The following UGT1A8 variants were observed in gnomAD, a reference collection of about 807,000 sequenced individuals.
UGT1A8 encodes UDP glucuronosyltransferase family 1 member A8.
A neutral mutation model predicts 45.3 loss-of-function variants in UGT1A8; 39 were observed. The observed-to-expected ratio is 0.86, with a 90% CI of 0.67 to 1.12. UGT1A8 has a LOEUF of 1.12. UGT1A8 is among the 50% of genes most tolerant of loss of function. The pLI, the probability that UGT1A8 is intolerant of heterozygous loss-of-function variation, is 0.00. For synonymous variants in UGT1A8, 275 were observed against 249.2 expected, an observed-to-expected ratio of 1.10 and a Z score of -0.97; for missense variants, 719 against 664.9, an observed-to-expected ratio of 1.08 and a Z score of -0.90.
At chr2:233,724,187 G>T (rs1459882110) in intron 1 of UGT1A8, among the ~76,000 whole-genome samples, 6 of 123,410 alleles carry the variant, frequency 4.9e-5, no homozygotes, top group African/African-American at 1.1e-4. Flanking sequence ...CCTCCCGGAC[G>T]GGGTGGCTGG....
chr2:233,767,027 G>A lies in UGT1A8; in HGVS notation c.856-7G>A, dbSNP rs753107729. The A allele has an allele frequency of 3.1e-6, 5 of 1,613,804 alleles. No individual in the cohort carries two copies. Among genetic ancestry groups the A allele is most frequent in the Non-Finnish European group, 4.2e-6 (5 of 1,179,992 alleles). On this transcript the variant is annotated splice_region_variant and splice_polypyrimidine_tract_variant and intron_variant, in intron 1 of 4. Coordinates refer to ENST00000373450, the MANE Select transcript of UGT1A8 (RefSeq NM_019076.5). ...AAATTAACTGAAAATTTTTCTTCTG[G>A]CTCTAGGAATTTGAAGCCTACATTA...
At position 233,772,301 on chromosome 2, in the gene UGT1A8, G is replaced by A. The variant is rs1384880194; in HGVS notation, c.1335G>A (p.Lys445=). ...TCATGCGCCTCTCCAGCCTTCACAA[G>A]GACCGCCCGGTGGAGCCGCTGGACC... ...ENIMRLSSLH[K]DRPVEPLDLA... The change falls in exon 5 of 5, where the codon AAG becomes AAA. Residue 445 remains lysine (K), a synonymous_variant. Transcript: ENST00000373450. The A allele has an allele frequency of 3.7e-6, 6 of 1,614,106 alleles. No individual in the cohort carries two copies. The highest frequency in any genetic ancestry group is 5.1e-6 in the Non-Finnish European group (6 of 1,180,054).
chr2:233,679,374 G>T (rs2074450843), intron 1 of UGT1A8, among the ~76,000 whole-genome samples: 1 of 152,222 alleles, frequency 6.6e-6, no homozygotes, highest in Admixed American at 6.5e-5. Context: ...CTGTCAGTGA[G>T]TGTTGATCTT....
intron 1 of UGT1A8, among the ~76,000 whole-genome samples, chr2:233,630,977 C>T (rs2073176570): frequency 6.6e-6 from 1 of 151,896 alleles, no homozygotes; most frequent in African/African-American, 2.4e-5. Context: ...TAATGCTTTC[C>T]CTCCCCTAGG....
At chr2:233,729,310 A>G (rs771983234) in intron 1 of UGT1A8, 1 of 1,614,266 alleles carries the variant, frequency 6.2e-7, no homozygotes, top group Non-Finnish European at 8.5e-7. Flanking sequence ...AGTGGTCCTC[A>G]CCCCAGAGGT....
intron 1 of UGT1A8, among the ~76,000 whole-genome samples, chr2:233,740,474 C>T (rs1003783592): frequency 2.0e-5 from 3 of 151,920 alleles, no homozygotes; most frequent in African/African-American, 7.3e-5. Context: ...CAGAAAGGAT[C>T]ATTCCCTCTT....
At chr2:233,670,981 T>C (rs2074173274) in intron 1 of UGT1A8, among the ~76,000 whole-genome samples, 1 of 152,128 alleles carries the variant, frequency 6.6e-6, no homozygotes, top group South Asian at 2.1e-4. Context: ...CTAGCAGGCT[T>C]ATGGATGGGG....
At chr2:233,704,861 C>T (rs1011021792) in intron 1 of UGT1A8, among the ~76,000 whole-genome samples, 8 of 152,100 alleles carry the variant, frequency 5.3e-5, no homozygotes, top group East Asian at 1.9e-4. Flanking sequence ...GGGCCGGGCA[C>T]GGTGGCTCAC....
At chr2:233,738,082 A>T (rs1218405907) in intron 1 of UGT1A8, among the ~76,000 whole-genome samples, 1 of 152,110 alleles carries the variant, frequency 6.6e-6, no homozygotes, top group South Asian at 2.1e-4. Context: ...TCCTAATCTC[A>T]TCATAGTGAG....
In UGT1A8 at chr2:233,734,566, T is replaced by C. The variant is rs182305779; in HGVS notation, c.856-32468T>C. Among the ~76,000 whole-genome samples, 74 of 152,314 alleles carry C rather than the reference T, an allele frequency of 4.9e-4. No individual in the cohort carries two copies. The East Asian group carries it at 0.013, about 27-fold the overall frequency. ...CTTCCCTTCTGCTAGCTTTTGAATT[T>C]GTTTGCTCTTGCTTATCTAGTTCTT... On this transcript the variant is annotated intron_variant, in intron 1 of 4. Coordinates refer to ENST00000373450, the MANE Select transcript of UGT1A8 (RefSeq NM_019076.5).
intron 1 of UGT1A8, among the ~76,000 whole-genome samples, chr2:233,742,513 G>C (rs934347498): frequency 6.6e-6 from 1 of 151,822 alleles, no homozygotes; most frequent in Non-Finnish European, 1.5e-5. Context: ...TCATGAACAC[G>C]TCACAGTGCT....
At chr2:233,644,148 T>C (rs1167040340) in intron 1 of UGT1A8, among the ~76,000 whole-genome samples, 1 of 152,214 alleles carries the variant, frequency 6.6e-6, no homozygotes, top group African/African-American at 2.4e-5. Context: ...GCAATCTTTA[T>C]GGACTAGACT....
At chr2:233,695,891 A>G (rs1183096724) in intron 1 of UGT1A8, among the ~76,000 whole-genome samples, 1 of 152,212 alleles carries the variant, frequency 6.6e-6, no homozygotes, top group African/African-American at 2.4e-5. Context: ...TTCAGTGAAC[A>G]AATGTGTGGG....
At chr2:233,736,679 G>C (rs2078792170) in intron 1 of UGT1A8, among the ~76,000 whole-genome samples, 1 of 152,134 alleles carries the variant, frequency 6.6e-6, no homozygotes, top group African/African-American at 2.4e-5. Flanking sequence ...CTTTGATGTT[G>C]GTGACCTACA....
At chr2:233,626,394 T>C (rs1559313562) in intron 1 of UGT1A8, among the ~76,000 whole-genome samples, 3 of 152,062 alleles carry the variant, frequency 2.0e-5, no homozygotes, top group Non-Finnish European at 4.4e-5. Flanking sequence ...GGTCATCTAT[T>C]AATTCCTCGA....
At chr2:233,685,640 A>T (rs2074747798) in intron 1 of UGT1A8, among the ~76,000 whole-genome samples, 1 of 152,250 alleles carries the variant, frequency 6.6e-6, no homozygotes, top group Non-Finnish European at 1.5e-5. Context: ...GTTTTCGAAC[A>T]TATACCAAGG....
intron 1 of UGT1A8, chr2:233,682,730 G>A (rs745901168): frequency 9.3e-6 from 15 of 1,613,704 alleles, no homozygotes; most frequent in Admixed American, 1.7e-5. Flanking sequence ...TCCCAAACCC[G>A]TGATGCCCAA....
At chr2:233,724,542 G>A (rs1366832768) in intron 1 of UGT1A8, among the ~76,000 whole-genome samples, 3 of 123,126 alleles carry the variant, frequency 2.4e-5, no homozygotes, top group East Asian at 2.5e-4. Context: ...GGGCAGAGGC[G>A]CTCCTCACAT....
Position 233,766,572 on chromosome 2 carries a change from G to A in UGT1A8, c.856-462G>A, listed in dbSNP as rs1699186765. On this transcript the variant is annotated intron_variant, in intron 1 of 4. Coordinates refer to ENST00000373450, the MANE Select transcript of UGT1A8 (RefSeq NM_019076.5). ...TCCTCACCTAGGTCCATGGGCACAG[G>A]TCTGGGGGTGGAGCCCTCGCCAGGG... Among the ~76,000 whole-genome samples, 3 of 152,322 alleles carry A rather than the reference G, an allele frequency of 2.0e-5. No individual in the cohort carries two copies. In the South Asian group the frequency reaches 6.2e-4, roughly 32 times the overall value.
Sources: gnomAD v4.1 joint callset for allele counts (sites outside exome capture counted in the v4.1 genomes callset) on GRCh38, gnomAD v4.1.1 for gene constraint, MANE v1.5 for transcripts, NCBI Gene and HGNC (gene_info 2026-07-23, HGNC 2026-07-21) for gene names.